Variants in DNAAF11 observed in about 807,000 individuals in gnomAD.
DNAAF11 encodes the protein dynein axonemal assembly factor 11.
Under a neutral mutation model 60.8 loss-of-function variants are expected in DNAAF11, and 45 were observed. The observed-to-expected ratio is 0.74, with a 90% CI of 0.58 to 0.95. The LOEUF (loss-of-function observed/expected upper bound fraction) is 0.95. DNAAF11 is among the 40% of genes least tolerant of loss of function. The pLI is 0.00. For synonymous variants in DNAAF11, 191 were observed against 183.5 expected (o/e 1.04, Z -0.33); for missense variants, 546 against 546.2 (o/e 1.00, Z 0.00).
At chr8:132,687,217 G>C in the DNAAF11 span, among the ~76,000 whole-genome samples, 1 of 152,114 alleles carries the variant, frequency 6.6e-6, no homozygotes, top group African/African-American at 2.4e-5. Flanking sequence ...TTTAGATTTT[G>C]GCTATATATA....
chr8:132,657,032 CT>C lies in DNAAF11; in HGVS notation c.179-126del, dbSNP rs1823645880. ...TATTATGGTTATCAAAACCATGTCA[CT>C]TTTCCAAATCTATACCTGTACATCA... On this transcript the variant is annotated intron_variant, in intron 2 of 11. Transcript: ENST00000620350. The C allele has an allele frequency of 7.9e-5, 37 of 469,286 alleles. No homozygotes were observed. The South Asian group carries it at 9.7e-4, about 12-fold the overall frequency. The allele number at this position is 469,286 out of a possible 1,614,324, so 29.1% of individuals were successfully genotyped here. A position where few individuals can be genotyped will look rare whatever the true frequency, so the allele number is the denominator to read the frequency against.
chr8:132,611,561 A>C (rs1818673082), intron 8 of DNAAF11, among the ~76,000 whole-genome samples, 198 bp from the exon 9 acceptor site: 1 of 152,228 alleles, frequency 6.6e-6, no homozygotes, highest in Non-Finnish European at 1.5e-5. Context: ...TTTCATTTTT[A>C]GACCCACAAG....
Position 132,650,248 on chromosome 8 carries a change from C to A in DNAAF11, c.256+6582G>T, listed in dbSNP as rs185237353. On this transcript the variant is annotated intron_variant, in intron 3 of 11. Transcript: ENST00000620350. The stretch of plus-strand genomic sequence containing the variant: ...ATGGATGAAGCTGGAAACCATCATT[C>A]TGAGCAAACTATTGCAAAGACAGAA... Among the ~76,000 whole-genome samples the A allele has an allele frequency of 3.9e-5, 6 of 152,240 alleles. No individual in the cohort carries two copies. The East Asian group carries it at 1.2e-3, about 29-fold the overall frequency.
rs1452556369 is a variant in DNAAF11 at position 132,599,792 on chromosome 8, T to C, written c.1140+10374A>G. ...ACGTATCTCAAAATAATAAGAGCTA[T>C]TTATGACAAACCCACAGCCAATATC... On this transcript the variant is annotated intron_variant, in intron 10 of 11. Coordinates refer to ENST00000620350, the MANE Select transcript of DNAAF11 (RefSeq NM_012472.6). Among the ~76,000 whole-genome samples, 8 of 152,236 alleles carry C rather than the reference T, an allele frequency of 5.3e-5. 1 individual carries two copies. The highest frequency in any genetic ancestry group is 4.2e-4 in the South Asian group (2 of 4,818).
intron 1 of DNAAF11, among the ~76,000 whole-genome samples, chr8:132,674,273 C>T (rs1402567859): frequency 6.6e-6 from 1 of 151,964 alleles, no homozygotes. Context: ...GATGGGGAGA[C>T]AGCCCTGAGA....
At chr8:132,687,457 T>G in the DNAAF11 span, 2 of 358,262 alleles carry the variant, frequency 5.6e-6, no homozygotes, top group Non-Finnish European at 1.1e-5. Context: ...TCTTTTTTCT[T>G]ATACCTTGAT....
At chr8:132,612,107 T>G (rs1818722161) in intron 8 of DNAAF11, among the ~76,000 whole-genome samples, 2 of 152,106 alleles carry the variant, frequency 1.3e-5, no homozygotes, top group African/African-American at 2.4e-5. Context: ...CACACAGGCT[T>G]GTGGGGAACT....
intron 5 of DNAAF11, among the ~76,000 whole-genome samples, chr8:132,629,555 G>A (rs902031860): frequency 6.6e-5 from 10 of 151,884 alleles, no homozygotes; most frequent in Non-Finnish European, 1.3e-4. Context: ...CACCATGTTA[G>A]CCAGGATGGT....
At chr8:132,684,231 TG>T in the DNAAF11 span, among the ~76,000 whole-genome samples, 16 of 152,186 alleles carry the variant, frequency 1.1e-4, no homozygotes, top group Admixed American at 1.0e-3. Context: ...CAGAACTTCC[TG>T]GAAGTTGTTA....
chr8:132,702,408 T>C, the DNAAF11 span, among the ~76,000 whole-genome samples: 3 of 152,220 alleles, frequency 2.0e-5, no homozygotes, highest in Non-Finnish European at 4.4e-5. Context: ...CATTCTAACT[T>C]GTGTTAAATA....
At chr8:132,686,852 G>A in the DNAAF11 span, among the ~76,000 whole-genome samples, 3 of 152,286 alleles carry the variant, frequency 2.0e-5, no homozygotes, top group East Asian at 3.9e-4. Flanking sequence ...TTTGGAGCAT[G>A]TTAAGTTTTT....
chr8:132,593,346 T>C (rs1276792003), intron 10 of DNAAF11, among the ~76,000 whole-genome samples: 6 of 143,814 alleles, frequency 4.2e-5, no homozygotes, highest in African/African-American at 1.5e-4. Context: ...TATATATATA[T>C]ATATATATAT....
intron 7 of DNAAF11, among the ~76,000 whole-genome samples, chr8:132,619,189 A>C (rs2130186936): frequency 6.6e-6 from 1 of 152,210 alleles, no homozygotes; most frequent in Non-Finnish European, 1.5e-5. Flanking sequence ...TCAGTAAACT[A>C]TCGCAAGAAC....
chr8:132,630,502 C>T (rs1053930183), intron 5 of DNAAF11, among the ~76,000 whole-genome samples: 3 of 152,072 alleles, frequency 2.0e-5, no homozygotes, highest in African/African-American at 7.2e-5. Flanking sequence ...AAGAAGAATT[C>T]CATAAACAAG....
intron 6 of DNAAF11, among the ~76,000 whole-genome samples, chr8:132,624,762 G>C (rs1418818421): frequency 6.6e-6 from 1 of 152,102 alleles, no homozygotes; most frequent in Admixed American, 6.6e-5. Flanking sequence ...GAAGATAATA[G>C]CATAAAAATC....
chr8:132,575,263 T>C lies in DNAAF11; in HGVS notation c.1227-2783A>G, dbSNP rs144029588. 4.9e-3 allele frequency among the ~76,000 whole-genome samples: 739 copies of C among 152,248 alleles called. 12 individuals carry two copies. The highest frequency in any genetic ancestry group is 0.017 in the African/African-American group (711 of 41,546). ...ATAGGGATGACAATGAACATAAGGC[T>C]GTTGTCAAGATCAAATGAGTTCATC... On this transcript the variant is annotated intron_variant, in intron 11 of 11. Coordinates refer to ENST00000620350, the MANE Select transcript of DNAAF11 (RefSeq NM_012472.6).
At chr8:132,611,263 AAATT>A (rs781157686) in intron 9 of DNAAF11, 27 bp downstream of exon 9, 2 of 1,516,758 alleles carry the variant, frequency 1.3e-6, no homozygotes, top group South Asian at 2.3e-5. Flanking sequence ...TTAGCTTTTG[AAATT>A]GTAATAGCCT....
At chr8:132,625,525 T>A in intron 5 of DNAAF11, 71 bp from the exon 6 acceptor site, 1 of 1,117,772 alleles carries the variant, frequency 8.9e-7, no homozygotes, top group Non-Finnish European at 1.3e-6. Flanking sequence ...GCTGGCCCTT[T>A]AATATCTATA....
intron 7 of DNAAF11, among the ~76,000 whole-genome samples, chr8:132,617,051 G>C (rs1029336513): frequency 2.0e-5 from 3 of 152,164 alleles, no homozygotes; most frequent in African/African-American, 7.2e-5. Context: ...AGGGAGGGCT[G>C]ACAGATGAAT....
Sources: allele counts gnomAD v4.1 joint callset (sites outside exome capture counted in the v4.1 genomes callset), GRCh38; gene constraint gnomAD v4.1.1; transcripts MANE v1.5; gene names NCBI Gene and HGNC (gene_info 2026-07-23, HGNC 2026-07-21).